MAN2A1: variants seen among roughly 807,000 people sequenced by gnomAD.
The protein encoded by MAN2A1 is alpha-mannosidase 2.
Under a neutral mutation model 142.6 loss-of-function variants are expected in MAN2A1, and 76 were observed. That is an observed-to-expected ratio of 0.53 (90% CI 0.44 to 0.65). The LOEUF (loss-of-function observed/expected upper bound fraction) is 0.65, where lower values mean the gene tolerates loss of function less well. Ranked by LOEUF, MAN2A1 falls within the 30% of genes least tolerant of loss-of-function variation. The pLI is 0.00. For synonymous variants in MAN2A1, 559 were observed against 473.2 expected (o/e 1.18, Z -2.35); for missense variants, 1,311 against 1,365.1 (o/e 0.96, Z 0.62).
intron 12 of MAN2A1, among the ~76,000 whole-genome samples, chr5:109,816,137 T>C (rs1177796291): frequency 6.6e-6 from 1 of 152,094 alleles, no homozygotes; most frequent in Non-Finnish European, 1.5e-5. Context: ...AGTAAGAAAA[T>C]CAAGGCTGTT....
At chr5:109,735,676 C>T (rs1752070792) in intron 4 of MAN2A1, among the ~76,000 whole-genome samples, 1 of 152,120 alleles carries the variant, frequency 6.6e-6, no homozygotes, top group Non-Finnish European at 1.5e-5. Flanking sequence ...GCCATCTTGG[C>T]TGCTCCCTGC....
At chr5:109,720,335 G>A (rs527850647) in intron 3 of MAN2A1, among the ~76,000 whole-genome samples, 1 of 152,258 alleles carries the variant, frequency 6.6e-6, no homozygotes, top group South Asian at 2.1e-4. Flanking sequence ...CAATTCTTTT[G>A]TAGAACTTTT....
chr5:109,696,958 T>C (rs1049345019), intron 1 of MAN2A1, among the ~76,000 whole-genome samples: 2 of 152,178 alleles, frequency 1.3e-5, no homozygotes, highest in African/African-American at 4.8e-5. Context: ...CATAGGTAAG[T>C]TGAAGGAAAA....
At chr5:109,852,723 A>G (rs1427816975) in intron 19 of MAN2A1, among the ~76,000 whole-genome samples, 1 of 152,232 alleles carries the variant, frequency 6.6e-6, no homozygotes, top group Non-Finnish European at 1.5e-5. Context: ...GTTAAGTACA[A>G]GGCTGGGGTA....
intron 12 of MAN2A1, among the ~76,000 whole-genome samples, chr5:109,791,402 C>G (rs1753733760): frequency 6.6e-6 from 1 of 151,926 alleles, no homozygotes; most frequent in Non-Finnish European, 1.5e-5. Context: ...ATGATAGTGG[C>G]CTTTAAAATG....
At chr5:109,726,980 A>G (rs1029333172) in intron 3 of MAN2A1, among the ~76,000 whole-genome samples, 1 of 152,240 alleles carries the variant, frequency 6.6e-6, no homozygotes, top group African/African-American at 2.4e-5. Context: ...CGTGTATAAT[A>G]AAAGCACGGT....
At chr5:109,857,503 C>T (rs1438302896) in intron 20 of MAN2A1, among the ~76,000 whole-genome samples, 4 of 152,082 alleles carry the variant, frequency 2.6e-5, no homozygotes, top group Non-Finnish European at 4.4e-5. Context: ...GGAGGATGGG[C>T]GGTCACCATC....
At chr5:109,865,874 G>A (rs1193746231) in intron 21 of MAN2A1, among the ~76,000 whole-genome samples, 2 of 152,194 alleles carry the variant, frequency 1.3e-5, no homozygotes, top group South Asian at 2.1e-4. Flanking sequence ...AAAGGGCCAT[G>A]ACTCAGAGAA....
At position 109,729,516 on chromosome 5, in the gene MAN2A1, T is replaced by A. The variant is rs1751841638; in HGVS notation, c.707+3T>A. On this transcript the variant is annotated splice_donor_region_variant and intron_variant, in intron 4 of 21. Transcript: ENST00000261483. ...CAGAAGAAGGATGCTGTTAAAAGGT[T>A]TGTTTTAAAACTTTTTTGGAATTTG... The A allele has an allele frequency of 4.1e-6, 6 of 1,470,256 alleles. No individual in the cohort carries two copies. Among genetic ancestry groups the A allele is most frequent in the Non-Finnish European group, 5.4e-6 (6 of 1,105,582 alleles). The allele number at this position is 1,470,256 out of a possible 1,614,324, so 91.1% of individuals were successfully genotyped here. A position where few individuals can be genotyped will look rare whatever the true frequency, so the allele number is the denominator to read the frequency against.
Position 109,759,734 on chromosome 5 carries a change from T to A in MAN2A1, c.835+4278T>A, listed in dbSNP as rs527313548. Among the ~76,000 whole-genome samples, 5 of 152,282 alleles carry A rather than the reference T, an allele frequency of 3.3e-5. No homozygotes were observed. The South Asian group carries it at 1.0e-3, about 32-fold the overall frequency. On this transcript the variant is annotated intron_variant, in intron 5 of 21. Transcript: ENST00000261483. ...TTCCACCAACAACGAATTAGAGTTCTGATTGTTCCACATTTTTGCCAGTGT... is the reference window on the plus strand; with the variant it reads ...TTCCACCAACAACGAATTAGAGTTCAGATTGTTCCACATTTTTGCCAGTGT...
intron 3 of MAN2A1, among the ~76,000 whole-genome samples, chr5:109,722,413 T>C (rs904860486): frequency 3.3e-5 from 5 of 152,024 alleles, no homozygotes; most frequent in African/African-American, 1.2e-4. Context: ...CAGCTTTTGT[T>C]TTGTTTTGTT....
At chr5:109,865,382 T>C in intron 21 of MAN2A1, 1 of 481,684 alleles carries the variant, frequency 2.1e-6, no homozygotes, top group Non-Finnish European at 3.8e-6. Context: ...AAGGCAATGC[T>C]CTTGTTATTT....
intron 1 of MAN2A1, among the ~76,000 whole-genome samples, chr5:109,697,038 C>T (rs1186310925): frequency 2.0e-5 from 3 of 152,132 alleles, no homozygotes; most frequent in African/African-American, 7.2e-5. Flanking sequence ...CTGAGAAAAA[C>T]ATTAGGGTCA....
intron 12 of MAN2A1, among the ~76,000 whole-genome samples, chr5:109,798,049 A>G (rs1366150235): frequency 6.6e-6 from 1 of 151,468 alleles, no homozygotes; most frequent in Non-Finnish European, 1.5e-5. Context: ...GCAATTAAAA[A>G]TGAAGAATTA....
At chr5:109,811,492 A>G (rs1037395554) in intron 12 of MAN2A1, among the ~76,000 whole-genome samples, 12 of 151,808 alleles carry the variant, frequency 7.9e-5, no homozygotes, top group African/African-American at 2.9e-4. Context: ...TTCTGCGTAT[A>G]TTATACATTC....
intron 20 of MAN2A1, among the ~76,000 whole-genome samples, chr5:109,860,679 A>G (rs981356981): frequency 7.2e-5 from 11 of 152,186 alleles, no homozygotes; most frequent in Admixed American, 7.2e-4. Flanking sequence ...TAAGATCTTC[A>G]GTAGAGGACT....
chr5:109,779,818 A>C (rs935953182), intron 8 of MAN2A1, among the ~76,000 whole-genome samples: 1 of 152,186 alleles, frequency 6.6e-6, no homozygotes, highest in African/African-American at 2.4e-5. Context: ...TGAAGCCAAG[A>C]TACATTGGCT....
At chr5:109,788,360 AT>A (rs3839281) in intron 10 of MAN2A1, among the ~76,000 whole-genome samples, 26,546 of 151,786 alleles carry the variant, frequency 0.17, 3,270 homozygotes, top group East Asian at 0.64. Context: ...ATAGTTAGTA[AT>A]TTCAGTGACC....
rs773508480 is a variant in MAN2A1 at position 109,868,458 on chromosome 5, C to T, written c.*1460C>T. ...GAGTATGTACAGTTTTGAAAATTCT[C>T]TTTGAGATAATTGATTTCATATTCT... On this transcript the variant is annotated 3_prime_UTR_variant, in exon 22 of 22. Transcript: ENST00000261483. 1.2e-4 allele frequency: 18 copies of T among 152,156 alleles called. No homozygotes were observed. Among genetic ancestry groups the T allele is most frequent in the Non-Finnish European group, 2.6e-4 (18 of 68,010 alleles). 9.4% of individuals were successfully genotyped at this position (152,156 alleles called of 1,614,324 possible). A position where few individuals can be genotyped will look rare whatever the true frequency, so the allele number is the denominator to read the frequency against.
Sources: allele counts gnomAD v4.1 joint callset (sites outside exome capture counted in the v4.1 genomes callset), GRCh38; gene constraint gnomAD v4.1.1; transcripts MANE v1.5; gene names NCBI Gene and HGNC (gene_info 2026-07-23, HGNC 2026-07-21).